Variants in PCNX2 observed in about 807,000 individuals in gnomAD.
PCNX2 encodes the protein pecanex-like protein 2.
PCNX2 carries 168 observed loss-of-function variants against 223.8 expected under a neutral mutation model. The ratio of observed to expected loss-of-function variants is 0.75; its 90% CI spans 0.66 to 0.85. The LOEUF (loss-of-function observed/expected upper bound fraction) is 0.85, where lower values mean the gene tolerates loss of function less well. PCNX2 is among the 40% of genes least tolerant of loss of function. The probability of loss-of-function intolerance (pLI) is 0.00; values close to 1 mark genes in which losing one functional copy is unlikely to be tolerated. For missense variants in PCNX2, 2,507 were observed against 2,675.5 expected, an observed-to-expected ratio of 0.94 and a Z score of 1.39; for synonymous variants, 1,006 against 1,052.6, an observed-to-expected ratio of 0.96 and a Z score of 0.86.
intron 19 of PCNX2, among the ~76,000 whole-genome samples, chr1:233,141,144 G>T (rs1571954358): frequency 6.6e-6 from 1 of 152,154 alleles, no homozygotes. Flanking sequence ...AAAAGTTCAA[G>T]CTGACAAAAC....
chr1:233,293,187 GA>G (rs1163830021), intron 1 of PCNX2, among the ~76,000 whole-genome samples: 1 of 152,164 alleles, frequency 6.6e-6, no homozygotes, highest in East Asian at 1.9e-4. Context: ...ATATGCATAG[GA>G]AAAAACATCT....
intron 10 of PCNX2, among the ~76,000 whole-genome samples, chr1:233,225,618 T>C (rs950724849): frequency 2.0e-5 from 3 of 152,228 alleles, no homozygotes; most frequent in Admixed American, 2.0e-4. Flanking sequence ...AAAAGTGCGG[T>C]CATCCTCATC....
intron 8 of PCNX2, chr1:233,241,263 C>T (rs1256642633): frequency 1.0e-6 from 1 of 985,300 alleles, no homozygotes; most frequent in African/African-American, 1.7e-5. Flanking sequence ...TGGGACCTGA[C>T]TGCCATCATG....
intron 21 of PCNX2, among the ~76,000 whole-genome samples, chr1:233,100,955 T>G (rs191095032): frequency 1.3e-5 from 2 of 152,332 alleles, no homozygotes; most frequent in East Asian, 3.9e-4. Context: ...ATTACCAATA[T>G]TTGAACTTAA....
intron 15 of PCNX2, among the ~76,000 whole-genome samples, chr1:233,186,707 C>A (rs548107097): frequency 6.6e-5 from 10 of 152,210 alleles, no homozygotes; most frequent in Non-Finnish European, 1.5e-4. Context: ...AGAGTAGATT[C>A]TTCTTATTTC....
At chr1:233,053,614 G>A (rs1447136894) in intron 25 of PCNX2, among the ~76,000 whole-genome samples, 3 of 152,248 alleles carry the variant, frequency 2.0e-5, no homozygotes, top group East Asian at 1.9e-4. Flanking sequence ...CAGAAAACAT[G>A]CAATGAGTAA....
At chr1:233,090,831 C>A (rs189202230) in intron 22 of PCNX2, among the ~76,000 whole-genome samples, 3 of 152,186 alleles carry the variant, frequency 2.0e-5, no homozygotes, top group Non-Finnish European at 4.4e-5. Flanking sequence ...GAGTTTCTCA[C>A]GTACTGGCAT....
intron 8 of PCNX2, chr1:233,250,452 C>T (rs939786061): frequency 1.4e-6 from 1 of 698,930 alleles, no homozygotes; most frequent in Non-Finnish European, 1.8e-6. Context: ...GCTGTATCAC[C>T]ATCTTTCTTG....
At chr1:233,079,066 G>C (rs551341228) in intron 23 of PCNX2, among the ~76,000 whole-genome samples, 16 of 152,258 alleles carry the variant, frequency 1.1e-4, no homozygotes, top group African/African-American at 2.9e-4. Context: ...CTAAGTCACA[G>C]GGCACCTTGG....
chr1:233,065,291 T>A (rs1017254916), intron 23 of PCNX2, among the ~76,000 whole-genome samples: 1 of 152,190 alleles, frequency 6.6e-6, no homozygotes, highest in African/African-American at 2.4e-5. Context: ...TACCTCCTAA[T>A]GTTATTGTAA....
At chr1:233,212,030 C>A (rs750240) in intron 12 of PCNX2, among the ~76,000 whole-genome samples, 48,660 of 151,912 alleles carry the variant, frequency 0.32, 8,104 homozygotes, top group East Asian at 0.56. Context: ...TGTGTTTTAT[C>A]ATTTCTCACA....
In PCNX2 at chr1:233,015,898, T is replaced by TA. The variant is rs879667163; in HGVS notation, c.4839+1022dup. ...AAAAAAAGTTGTCCAAAGTCAGCTT[T>TA]AAAAAAAAAAAAGGGAGGGAGAGTG... On this transcript the variant is annotated intron_variant, in intron 27 of 33. Coordinates refer to ENST00000258229, the MANE Select transcript of PCNX2 (RefSeq NM_014801.4). Among the ~76,000 whole-genome samples, 80 of 139,176 alleles carry TA rather than the reference T, an allele frequency of 5.7e-4. 1 individual carries two copies. The highest frequency in any genetic ancestry group is 1.1e-3 in the Admixed American group (15 of 13,934). 91.3% of individuals were successfully genotyped at this position (139,176 alleles called of 152,430 possible). A position where few individuals can be genotyped will look rare whatever the true frequency, so the allele number is the denominator to read the frequency against.
Position 233,066,579 on chromosome 1 carries a change from G to A in PCNX2, c.4077-9289C>T, listed in dbSNP as rs185001300. ...CTGCCCAGCCCCACTGCAGCAGCCT[G>A]TGTGCCTGGCTGTGCACTGTGGTCA... On this transcript the variant is annotated intron_variant, in intron 23 of 33. Transcript: ENST00000258229. 4.7e-4 allele frequency among the ~76,000 whole-genome samples: 72 copies of A among 152,326 alleles called. 1 individual carries two copies. The highest frequency in any genetic ancestry group is 4.3e-3 in the Admixed American group (66 of 15,304).
chr1:233,064,059 TCTTTA>T (rs1192556252), intron 23 of PCNX2, among the ~76,000 whole-genome samples: 3 of 152,278 alleles, frequency 2.0e-5, no homozygotes, highest in South Asian at 2.1e-4. Context: ...TATGATTATT[TCTTTA>T]CTTATCTTTA....
At chr1:233,031,923 C>T (rs927663525) in intron 25 of PCNX2, 1 of 985,068 alleles carries the variant, frequency 1.0e-6, no homozygotes, top group Non-Finnish European at 1.2e-6. Flanking sequence ...GTAATGACCA[C>T]CATAACCTGA....
intron 8 of PCNX2, among the ~76,000 whole-genome samples, chr1:233,237,940 T>G (rs1383307139): frequency 6.6e-6 from 1 of 152,164 alleles, no homozygotes; most frequent in Non-Finnish European, 1.5e-5. Context: ...CTCGGACAAA[T>G]TTTTCTATAG....
At chr1:233,167,786 T>C (rs1360779465) in intron 17 of PCNX2, 18 of 984,632 alleles carry the variant, frequency 1.8e-5, no homozygotes, top group Non-Finnish European at 2.2e-5. Flanking sequence ...GAAAGCAGCC[T>C]TTAATAAGCT....
intron 21 of PCNX2, among the ~76,000 whole-genome samples, chr1:233,117,556 G>A (rs1435390966): frequency 3.6e-5 from 5 of 139,730 alleles, no homozygotes; most frequent in South Asian, 2.3e-4. Context: ...AGCCGAGATC[G>A]CGCCACTGGA....
At chr1:233,248,500 G>T (rs999869008) in intron 8 of PCNX2, among the ~76,000 whole-genome samples, 2 of 152,042 alleles carry the variant, frequency 1.3e-5, no homozygotes, top group Non-Finnish European at 2.9e-5. Flanking sequence ...TCTTTTGACC[G>T]CCGGGGTGAG....
Sources: allele counts gnomAD v4.1 joint callset (sites outside exome capture counted in the v4.1 genomes callset), GRCh38; gene constraint gnomAD v4.1.1; transcripts MANE v1.5; gene names NCBI Gene and HGNC (gene_info 2026-07-23, HGNC 2026-07-21).